Variants in NUP160 observed in about 807,000 individuals in gnomAD.
The protein encoded by NUP160 is nuclear pore complex protein Nup160.
NUP160 carries 94 observed loss-of-function variants against 196.9 expected under a neutral mutation model. That is an observed-to-expected ratio of 0.48 (90% CI 0.40 to 0.57). The LOEUF is 0.57. NUP160 is among the 20% of genes least tolerant of loss of function. The pLI is 0.00. For synonymous variants in NUP160, 605 were observed against 619.7 expected (o/e 0.98, Z 0.35); for missense variants, 1,638 against 1,748.3 (o/e 0.94, Z 1.13).
intron 6 of NUP160, among the ~76,000 whole-genome samples, chr11:47,836,346 T>G (rs2135399046): frequency 6.6e-6 from 1 of 152,352 alleles, no homozygotes; most frequent in Middle Eastern, 3.4e-3. Context: ...GCTGTATTTT[T>G]TAGATGAATC....
intron 7 of NUP160, among the ~76,000 whole-genome samples, chr11:47,833,909 T>C (rs1459199990): frequency 2.0e-5 from 3 of 152,250 alleles, no homozygotes; most frequent in Non-Finnish European, 4.4e-5. Flanking sequence ...GACGATTGTG[T>C]CTGGCTTCAG....
chr11:47,785,101 C>CTTTTTTTTT, intron 32 of NUP160, 38 bp from the exon 33 acceptor site: 1 of 1,107,988 alleles, frequency 9.0e-7, no homozygotes, highest in East Asian at 2.7e-5. Flanking sequence ...GTTTCAGATT[C>CTTTTTTTTT]TTAATAGCTA....
rs774239582 is a variant in NUP160 at position 47,788,486 on chromosome 11, C to T, written c.3622+15G>A. The T allele has an allele frequency of 4.4e-6, 7 of 1,607,318 alleles. No homozygotes were observed. In the African/African-American group the frequency reaches 9.4e-5, roughly 21 times the overall value. ...GTGCTGACAAGTCAGAGGCTTTAAA[C>T]TCTTGAATTCCTACCAGCAACTGCA... is the stretch of plus-strand genomic sequence containing the variant. On this transcript the variant is annotated intron_variant, in intron 30 of 35. Coordinates refer to ENST00000378460, the Ensembl canonical transcript of NUP160.
At chr11:47,845,137 C>T (rs549571743) in intron 2 of NUP160, among the ~76,000 whole-genome samples, 1 of 152,210 alleles carries the variant, frequency 6.6e-6, no homozygotes, top group South Asian at 2.1e-4. Flanking sequence ...AGTAGCCATT[C>T]TTTTATTTAC....
rs779243939 is a variant in NUP160 at position 47,809,734 on chromosome 11, C to CAAAA, written c.2242-1209_2242-1206dup. On this transcript the variant is annotated intron_variant, in intron 17 of 35. Transcript: ENST00000378460. The stretch of plus-strand genomic sequence containing the variant: ...AGCCTGGGCTACAGAGCAAGACTCT[C>CAAAA]AAAAAAAAAAAAAAAAAAAAAAAAG... 2.0e-3 allele frequency among the ~76,000 whole-genome samples: 93 copies of CAAAA among 47,538 alleles called. 1 individual carries two copies. The highest frequency in any genetic ancestry group is 0.017 in the Middle Eastern group (1 of 58). 31.2% of individuals were successfully genotyped at this position (47,538 alleles called of 152,430 possible). A position where few individuals can be genotyped will look rare whatever the true frequency, so the allele number is the denominator to read the frequency against.
intron 34 of NUP160, among the ~76,000 whole-genome samples, chr11:47,781,036 C>A (rs1467769218): frequency 6.6e-6 from 1 of 151,350 alleles, no homozygotes; most frequent in Non-Finnish European, 1.5e-5. Flanking sequence ...ACCAGCCTGG[C>A]CAATATGGTG....
exon 33 of NUP160, chr11:47,785,047 A>G: frequency 6.6e-7 from 1 of 1,512,292 alleles, no homozygotes; most frequent in Non-Finnish European, 8.9e-7. Flanking sequence ...AATAGTCGCC[A>G]TGCTTCATCT....
At chr11:47,799,096 C>T (rs1565192122) in intron 23 of NUP160, among the ~76,000 whole-genome samples, 1 of 146,468 alleles carries the variant, frequency 6.8e-6, no homozygotes, top group African/African-American at 2.5e-5. Flanking sequence ...TGACATAATC[C>T]TTTTTTTTTT....
chr11:47,809,097 T>C (rs1008971824), intron 17 of NUP160, among the ~76,000 whole-genome samples: 8 of 150,884 alleles, frequency 5.3e-5, no homozygotes, highest in African/African-American at 1.9e-4. Context: ...CAAGACTCCG[T>C]CTTAAAAAAG....
At chr11:47,822,567 T>C (rs1851884906) in intron 7 of NUP160, among the ~76,000 whole-genome samples, 1 of 151,842 alleles carries the variant, frequency 6.6e-6, no homozygotes. Context: ...AAAATTTTTT[T>C]TCTTTTCTTT....
At chr11:47,844,989 A>C (rs2135406813) in intron 2 of NUP160, among the ~76,000 whole-genome samples, 1 of 152,306 alleles carries the variant, frequency 6.6e-6, no homozygotes, top group Non-Finnish European at 1.5e-5. Flanking sequence ...CAGTTTACAA[A>C]TGCCATGGCA....
At chr11:47,819,125 A>G (rs1413450926) in intron 10 of NUP160, among the ~76,000 whole-genome samples, 1 of 151,890 alleles carries the variant, frequency 6.6e-6, no homozygotes, top group Non-Finnish European at 1.5e-5. Context: ...ACCAGCCTGA[A>G]CAACATGGTG....
chr11:47,784,475 C>T (rs2097663390), intron 33 of NUP160, among the ~76,000 whole-genome samples: 1 of 152,144 alleles, frequency 6.6e-6, no homozygotes. Context: ...AGAGTAAATC[C>T]TGTGTCATGC....
chr11:47,793,722 GTTTTTTTT>G (rs750497969), intron 27 of NUP160, among the ~76,000 whole-genome samples: 42,870 of 90,640 alleles, frequency 0.47, 8,788 homozygotes, highest in Middle Eastern at 0.59. Flanking sequence ...TAAGATATCT[GTTTTTTTT>G]TTTTTTTTTT....
intron 27 of NUP160, among the ~76,000 whole-genome samples, chr11:47,794,233 C>T (rs1251847004): frequency 6.6e-6 from 1 of 152,132 alleles, no homozygotes; most frequent in Non-Finnish European, 1.5e-5. Flanking sequence ...GTGGCTCATG[C>T]CTGTGATTCC....
chr11:47,807,796 A>T (rs1007102892), intron 18 of NUP160, among the ~76,000 whole-genome samples: 1 of 152,152 alleles, frequency 6.6e-6, no homozygotes, highest in Admixed American at 6.6e-5. Flanking sequence ...TTTTATATTC[A>T]ACATAATTTA....
intron 27 of NUP160, among the ~76,000 whole-genome samples, chr11:47,796,592 G>A (rs1375400682): frequency 6.6e-6 from 1 of 152,140 alleles, no homozygotes; most frequent in Non-Finnish European, 1.5e-5. Context: ...GGGGAATTTG[G>A]ATGAAAGGTA....
intron 7 of NUP160, among the ~76,000 whole-genome samples, chr11:47,828,948 A>T (rs1041017309): frequency 5.9e-5 from 9 of 152,208 alleles, no homozygotes; most frequent in African/African-American, 2.2e-4. Context: ...AAAACTAAAA[A>T]AATGAATCAA....
At chr11:47,845,464 C>T (rs1237311180) in intron 2 of NUP160, among the ~76,000 whole-genome samples, 2 of 152,260 alleles carry the variant, frequency 1.3e-5, no homozygotes, top group South Asian at 2.1e-4. Context: ...AATAAACTTG[C>T]TTTCACTATG....
Sources: allele counts gnomAD v4.1 joint callset (sites outside exome capture counted in the v4.1 genomes callset), GRCh38; gene constraint gnomAD v4.1.1; transcripts MANE v1.5; gene names NCBI Gene and HGNC (gene_info 2026-07-23, HGNC 2026-07-21).